The following L2HGDH variants were observed in gnomAD, a reference collection of about 807,000 sequenced individuals.
L2HGDH encodes L-2-hydroxyglutarate dehydrogenase.
A neutral mutation model predicts 51.5 loss-of-function variants in L2HGDH; 34 were observed. The ratio of observed to expected loss-of-function variants is 0.66; its 90% CI spans 0.50 to 0.88. The LOEUF (loss-of-function observed/expected upper bound fraction) is 0.88, where lower values mean the gene tolerates loss of function less well. L2HGDH is among the 40% of genes least tolerant of loss of function. The probability of loss-of-function intolerance (pLI) is 0.00; values close to 1 mark genes in which losing one functional copy is unlikely to be tolerated. For missense variants in L2HGDH, 558 were observed against 571.9 expected, an observed-to-expected ratio of 0.98 and a Z score of 0.25; for synonymous variants, 198 against 197.9, an observed-to-expected ratio of 1.00 and a Z score of -0.01.
intron 9 of L2HGDH, among the ~76,000 whole-genome samples, chr14:50,254,085 C>A (rs576626857): frequency 4.0e-5 from 6 of 151,610 alleles, no homozygotes; most frequent in Admixed American, 3.3e-4. Context: ...ATACCTCCCC[C>A]CAAAAATAGA....
intron 3 of L2HGDH, among the ~76,000 whole-genome samples, chr14:50,300,594 C>T (rs1401178775): frequency 2.0e-5 from 3 of 152,080 alleles, no homozygotes; most frequent in South Asian, 4.2e-4. Context: ...CCACCCTGCC[C>T]GGCCCATAAC....
At chr14:50,304,767 G>A (rs1178572224) in intron 1 of L2HGDH, among the ~76,000 whole-genome samples, 2 of 152,224 alleles carry the variant, frequency 1.3e-5, no homozygotes, top group South Asian at 2.1e-4. Flanking sequence ...CCCAGGAGGC[G>A]GAGCTTGCAG....
At chr14:50,265,553 ATAAT>A in intron 8 of L2HGDH, 64 bp from the exon 9 acceptor site, 2 of 1,336,410 alleles carry the variant, frequency 1.5e-6, no homozygotes, top group Non-Finnish European at 2.1e-6. Flanking sequence ...AAATACCTTT[ATAAT>A]TATTAGATTC....
chr14:50,277,317 C>T (rs936925869), intron 6 of L2HGDH, among the ~76,000 whole-genome samples: 1 of 151,058 alleles, frequency 6.6e-6, no homozygotes, highest in African/African-American at 2.4e-5. Context: ...AGCTAAATAT[C>T]GTTATAAGGT....
At chr14:50,294,051 ACC>A in intron 4 of L2HGDH, 62 bp downstream of exon 4, 1 of 1,561,608 alleles carries the variant, frequency 6.4e-7, no homozygotes, top group Non-Finnish European at 8.8e-7. Flanking sequence ...CTATACACTC[ACC>A]CTCAGCCTCC....
chr14:50,247,135 G>A lies in L2HGDH; in HGVS notation c.1315C>T (p.Pro439Ser). 6.2e-7 allele frequency: 1 copy of A among 1,613,924 alleles called. No homozygotes were observed. Among genetic ancestry groups the A allele is most frequent in the South Asian group, 1.1e-5 (1 of 91,070 alleles). The stretch of plus-strand genomic sequence containing the variant: ...ATGGAAGAAGTAGCAGCAGGAGAAG[G>A]TGCATTTCTCACATGAAGAATGCGA... ...GNRILHVRNA[P>S]SPAATSSIAI... The change falls in exon 10 of 10, where the codon CCT (proline) becomes TCT (serine). Residue 439 changes from proline to serine, a missense_variant. By Grantham distance (74) the Pro-to-Ser change is moderately conservative. Around this residue, in one of 3 missense-constraint regions of L2HGDH, gnomAD observed 321 missense variants for 311.8 expected, o/e 1.03. Transcript: ENST00000267436.
rs1229777318 is a variant in L2HGDH, at chr14:50,250,220, C to T, written c.1197-2967G>A. Among the ~76,000 whole-genome samples the T allele has an allele frequency of 6.6e-5, 10 of 152,276 alleles. 1 individual carries two copies. The South Asian group carries it at 1.0e-3, about 16-fold the overall frequency. ...TCTGGCCCAGGCCAACACTCTTGGA[C>T]GGCATTTCTAGCACTACCCTGGGCC... is the stretch of plus-strand genomic sequence containing the variant. On this transcript the variant is annotated intron_variant, in intron 9 of 9. Transcript: ENST00000267436.
intron 3 of L2HGDH, among the ~76,000 whole-genome samples, chr14:50,298,379 G>A (rs190103238): frequency 5.3e-5 from 8 of 151,300 alleles, no homozygotes; most frequent in East Asian, 4.0e-4. Flanking sequence ...GCAATGGCGC[G>A]ATCTCAGCTC....
At position 50,243,839 on chromosome 14, in the gene L2HGDH, C is replaced by T. The variant is rs11849026; in HGVS notation, c.*3219G>A. On this transcript the variant is annotated 3_prime_UTR_variant, in exon 10 of 10. Coordinates refer to ENST00000267436, the MANE Select transcript of L2HGDH (RefSeq NM_024884.3). ...TAATGCTATCCCTCCCCCCTCCCCCCACCCCACAACAGTCCCCAGAGTGTG... is the reference window on the plus strand; with the variant it reads ...TAATGCTATCCCTCCCCCCTCCCCCTACCCCACAACAGTCCCCAGAGTGTG... 4.8e-5 allele frequency: 5 copies of T among 104,224 alleles called. No homozygotes were observed. In the South Asian group the frequency reaches 1.2e-3, roughly 25 times the overall value. 6.5% of individuals were successfully genotyped at this position (104,224 alleles called of 1,614,324 possible).
chr14:50,285,971 G>A (rs1474147579), intron 4 of L2HGDH, among the ~76,000 whole-genome samples: 1 of 152,160 alleles, frequency 6.6e-6, no homozygotes, highest in Non-Finnish European at 1.5e-5. Context: ...GCAATCCAAT[G>A]CTCTGGCCTG....
At chr14:50,308,092 C>T (rs1041397888) in intron 1 of L2HGDH, among the ~76,000 whole-genome samples, 1 of 152,108 alleles carries the variant, frequency 6.6e-6, no homozygotes, top group African/African-American at 2.4e-5. Flanking sequence ...CAAAACAAGC[C>T]ATTTAGAACG....
intron 4 of L2HGDH, among the ~76,000 whole-genome samples, chr14:50,285,026 T>C (rs1595116416): frequency 6.6e-6 from 1 of 152,120 alleles, no homozygotes; most frequent in Non-Finnish European, 1.5e-5. Flanking sequence ...GGCAGGCGGA[T>C]CACAAGGTCA....
At chr14:50,266,120 T>C (rs1889316855) in intron 8 of L2HGDH, among the ~76,000 whole-genome samples, 1 of 143,162 alleles carries the variant, frequency 7.0e-6, no homozygotes, top group Non-Finnish European at 1.5e-5. Context: ...CATTTCAGCC[T>C]GGGCAACAGT....
At chr14:50,260,844 G>C (rs945863516) in intron 9 of L2HGDH, among the ~76,000 whole-genome samples, 6 of 152,092 alleles carry the variant, frequency 3.9e-5, no homozygotes, top group Non-Finnish European at 8.8e-5. Flanking sequence ...GGCTGGGCAC[G>C]GTAGCTCACA....
rs1887925624 is a variant in L2HGDH at position 50,244,720 on chromosome 14, A to G, written c.*2338T>C. The G allele has an allele frequency of 1.0e-6, 1 of 985,354 alleles. No individual in the cohort carries two copies. Among genetic ancestry groups the G allele is most frequent in the African/African-American group, 1.7e-5 (1 of 57,254 alleles). The allele number at this position is 985,354 out of a possible 1,614,324, so 61.0% of individuals were successfully genotyped here. A position where few individuals can be genotyped will look rare whatever the true frequency, so the allele number is the denominator to read the frequency against. ...AGCCTTTCAAATTAATGGATGAGGTAGCTCAATCAATGTAATCATCAATGC... is the reference window on the plus strand; with the variant it reads ...AGCCTTTCAAATTAATGGATGAGGTGGCTCAATCAATGTAATCATCAATGC... On this transcript the variant is annotated 3_prime_UTR_variant, in exon 10 of 10. Coordinates refer to ENST00000267436, the MANE Select transcript of L2HGDH (RefSeq NM_024884.3).
Position 50,311,966 on chromosome 14 carries a change from G to A in L2HGDH, c.140+45C>T, listed in dbSNP as rs771613897. On this transcript the variant is annotated intron_variant, in intron 1 of 9. Coordinates refer to ENST00000267436, the MANE Select transcript of L2HGDH (RefSeq NM_024884.3). Reference sequence around the variant, plus strand: ...CAGGTCCACCACCAGGTGCCTCCGCGAGGGGCAGCAGCGCAGGCGGCGGGG... The same window carrying A: ...CAGGTCCACCACCAGGTGCCTCCGCAAGGGGCAGCAGCGCAGGCGGCGGGG... The A allele has an allele frequency of 2.6e-6, 4 of 1,541,882 alleles. No homozygotes were observed. In the South Asian group the frequency reaches 4.8e-5, roughly 18 times the overall value.
At chr14:50,258,816 T>C (rs1226342443) in intron 9 of L2HGDH, among the ~76,000 whole-genome samples, 1 of 151,618 alleles carries the variant, frequency 6.6e-6, no homozygotes, top group Admixed American at 6.6e-5. Flanking sequence ...GCCTGACCTA[T>C]TTATTTTAGT....
intron 6 of L2HGDH, among the ~76,000 whole-genome samples, chr14:50,270,630 C>G (rs1470773628): frequency 6.6e-6 from 1 of 152,174 alleles, no homozygotes; most frequent in Non-Finnish European, 1.5e-5. Context: ...CCTCAGCCTT[C>G]CGAGTAGCCG....
rs377437736 is a variant in L2HGDH, at chr14:50,289,280, G to A, written c.540+4835C>T. Among the ~76,000 whole-genome samples the A allele has an allele frequency of 3.9e-5, 6 of 152,144 alleles. No individual in the cohort carries two copies. The South Asian group carries it at 1.2e-3, about 32-fold the overall frequency. Reference sequence around the variant, plus strand: ...ATCTCACTCTAAAAAAGACTGATATGCCTTAAAGAAAATAAACAGAATAAA... The same window carrying A: ...ATCTCACTCTAAAAAAGACTGATATACCTTAAAGAAAATAAACAGAATAAA... On this transcript the variant is annotated intron_variant, in intron 4 of 9. Coordinates refer to ENST00000267436, the MANE Select transcript of L2HGDH (RefSeq NM_024884.3).
Sources: gnomAD v4.1 joint callset for allele counts (sites outside exome capture counted in the v4.1 genomes callset) on GRCh38, gnomAD v4.1.1 for gene constraint, gnomAD v4.1.1 regional missense constraint, MANE v1.5 for transcripts, NCBI Gene and HGNC (gene_info 2026-07-23, HGNC 2026-07-21) for gene names.